The following KCNAB2 variants were observed in gnomAD, a reference collection of about 807,000 sequenced individuals.
KCNAB2 encodes the protein potassium voltage-gated channel subfamily A regulatory beta subunit 2.
In KCNAB2, 29 loss-of-function variants were observed where a neutral mutation model predicts 63.6. The ratio of observed to expected loss-of-function variants is 0.46; its 90% CI spans 0.34 to 0.62. The LOEUF (loss-of-function observed/expected upper bound fraction) is 0.62, where lower values mean the gene tolerates loss of function less well. Among genes scored for constraint, KCNAB2 ranks in the 20% least tolerant of loss-of-function variants. KCNAB2 has a pLI of 0.01. For missense variants in KCNAB2, 359 were observed against 563.9 expected, an observed-to-expected ratio of 0.64 and a Z score of 3.68; for synonymous variants, 222 against 224.2, an observed-to-expected ratio of 0.99 and a Z score of 0.09.
intron 6 of KCNAB2, among the ~76,000 whole-genome samples, chr1:6,085,583 C>G (rs1479240947): frequency 6.6e-6 from 1 of 152,150 alleles, no homozygotes; most frequent in African/African-American, 2.4e-5. Context: ...GGCCTGGGTA[C>G]AGCAAAGGCG....
rs1340008079 is a variant in KCNAB2, at chr1:6,096,800, C to G, written c.1069+44C>G. The G allele has an allele frequency of 1.3e-6, 2 of 1,509,854 alleles. No individual in the cohort carries two copies. The highest frequency in any genetic ancestry group is 4.3e-5 in the Admixed American group (2 of 46,538). The allele number at this position is 1,509,854 out of a possible 1,614,324, so 93.5% of individuals were successfully genotyped here. A position where few individuals can be genotyped will look rare whatever the true frequency, so the allele number is the denominator to read the frequency against. ...TGGGGCCAGTGCCCCTGGGGAGAAC[C>G]TGCCCCAGCTGGCCGTAGGTAACAG... On this transcript the variant is annotated intron_variant, in intron 14 of 15. Coordinates refer to ENST00000378083, the MANE Select transcript of KCNAB2 (RefSeq NM_001199862.2). This position sits in a 1 kb window ranked among gnomAD's most constrained non-coding sequence, Gnocchi z 5.9.
intron 1 of KCNAB2, among the ~76,000 whole-genome samples, chr1:6,027,799 G>A (rs1659306673): frequency 6.6e-6 from 1 of 152,216 alleles, no homozygotes; most frequent in African/African-American, 2.4e-5. Flanking sequence ...GCTGTTGACT[G>A]AACCATGTGA....
rs1207120378 is a variant in KCNAB2 at position 6,087,585 on chromosome 1, A to ACC, written c.470+75_470+76dup. 8 of 1,507,110 alleles carry ACC rather than the reference A, an allele frequency of 5.3e-6. No homozygotes were observed. The African/African-American group carries it at 9.7e-5, about 18-fold the overall frequency. 93.4% of individuals were successfully genotyped at this position (1,507,110 alleles called of 1,614,324 possible). Reference sequence around the variant, plus strand: ...GCCCCGTGCTCCCCAGAGACCCCTGACCTAGAAGGCTCCTGGGGTGGCGGG... The same window carrying ACC: ...GCCCCGTGCTCCCCAGAGACCCCTGACCCCTAGAAGGCTCCTGGGGTGGCGGG... On this transcript the variant is annotated intron_variant, in intron 7 of 15. Coordinates refer to ENST00000378083, the MANE Select transcript of KCNAB2 (RefSeq NM_001199862.2). The surrounding 1 kb of genome is among the most constrained non-coding windows in gnomAD (Gnocchi z 6.4).
chr1:6,097,857 C>T, intron 15 of KCNAB2: 1 of 224,412 alleles, frequency 4.5e-6, no homozygotes, highest in Non-Finnish European at 8.6e-6. Context: ...GAGACGGGAG[C>T]CGTGGCAAAA....
intron 2 of KCNAB2, among the ~76,000 whole-genome samples, chr1:6,067,160 T>C (rs1295686760): frequency 2.0e-5 from 3 of 152,180 alleles, no homozygotes; most frequent in Non-Finnish European, 2.9e-5. Flanking sequence ...AGAGCCTTGA[T>C]TGCGTCCAGA....
At chr1:6,023,607 A>T (rs1397794255) in intron 1 of KCNAB2, among the ~76,000 whole-genome samples, 1 of 152,200 alleles carries the variant, frequency 6.6e-6, no homozygotes, top group Admixed American at 6.5e-5. Context: ...TTGGAGAAGT[A>T]TCTATTCAAG....
intron 1 of KCNAB2, among the ~76,000 whole-genome samples, chr1:6,011,469 GC>G (rs1426660616): frequency 6.6e-6 from 1 of 152,106 alleles, no homozygotes; most frequent in Non-Finnish European, 1.5e-5. Flanking sequence ...AGGCACGTGT[GC>G]CCAGGGCCAG....
At chr1:6,064,798 C>A (rs1434070272) in intron 2 of KCNAB2, among the ~76,000 whole-genome samples, 1 of 152,170 alleles carries the variant, frequency 6.6e-6, no homozygotes, top group Non-Finnish European at 1.5e-5. Context: ...GCAGCTCTGA[C>A]CAGGGTCCAC....
intron 1 of KCNAB2, among the ~76,000 whole-genome samples, chr1:6,040,115 C>CA (rs1660374896): frequency 6.6e-6 from 1 of 152,220 alleles, no homozygotes; most frequent in Non-Finnish European, 1.5e-5. Flanking sequence ...CCCTGGGGGA[C>CA]AGCAGTGCAG....
chr1:5,998,760 A>C (rs1487736638), intron 1 of KCNAB2, among the ~76,000 whole-genome samples: 1 of 152,224 alleles, frequency 6.6e-6, no homozygotes, highest in African/African-American at 2.4e-5. Flanking sequence ...AGGACCCCAG[A>C]TTCAGCACCA....
chr1:6,090,547 A>T, intron 9 of KCNAB2, 72 bp downstream of exon 9: 1 of 1,221,442 alleles, frequency 8.2e-7, no homozygotes, highest in East Asian at 2.5e-5. Context: ...GGGGTTGTAG[A>T]GGCCGCCAGC....
intron 1 of KCNAB2, 30 bp from the exon 2 acceptor site, chr1:6,051,481 A>G: frequency 6.9e-7 from 1 of 1,442,914 alleles, no homozygotes; most frequent in Non-Finnish European, 9.1e-7. Context: ...GGGCATTGGC[A>G]CACTGTCTAA....
chr1:6,053,881 T>C lies in KCNAB2; in HGVS notation c.218+2127T>C, dbSNP rs550474456. Among the ~76,000 whole-genome samples, 24 of 151,156 alleles carry C rather than the reference T, an allele frequency of 1.6e-4. No individual in the cohort carries two copies. The South Asian group carries it at 5.0e-3, about 32-fold the overall frequency. On this transcript the variant is annotated intron_variant, in intron 2 of 15. Transcript: ENST00000378083. Reference sequence around the variant, plus strand: ...AACATGGCGAAACCCCATCTCTAAATACAATCAAAAAATTAGCCAGGCATG... The same window carrying C: ...AACATGGCGAAACCCCATCTCTAAACACAATCAAAAAATTAGCCAGGCATG...
intron 1 of KCNAB2, among the ~76,000 whole-genome samples, chr1:6,013,712 G>A (rs772544378): frequency 6.6e-5 from 10 of 152,086 alleles, no homozygotes; most frequent in African/African-American, 9.7e-5. Flanking sequence ...TGGATTGCCA[G>A]CCACTGGTCA....
At position 6,068,652 on chromosome 1, in the gene KCNAB2, G is replaced by A. The variant is rs112055753; in HGVS notation, c.219-4103G>A. Among the ~76,000 whole-genome samples, 1,207 of 152,240 alleles carry A rather than the reference G, an allele frequency of 7.9e-3. 16 individuals are homozygous for A. The highest frequency in any genetic ancestry group is 0.028 in the African/African-American group (1,157 of 41,520). ...CTGTGCCATCGGGCACCCCCGCCCC[G>A]GGCCTCTCCCATCCCACTCATGCGG... On this transcript the variant is annotated intron_variant, in intron 2 of 15. Coordinates refer to ENST00000378083, the MANE Select transcript of KCNAB2 (RefSeq NM_001199862.2).
intron 4 of KCNAB2, 125 bp from the exon 5 acceptor site, chr1:6,082,070 A>C: frequency 1.4e-6 from 1 of 734,650 alleles, no homozygotes; most frequent in Non-Finnish European, 2.4e-6. Flanking sequence ...CCCACAGGGG[A>C]GCCTGTCGGG....
At chr1:6,068,676 G>A (rs1571014221) in intron 2 of KCNAB2, among the ~76,000 whole-genome samples, 1 of 152,180 alleles carries the variant, frequency 6.6e-6, no homozygotes, top group African/African-American at 2.4e-5. Context: ...CCACTCATGC[G>A]GTACCTGCGT....
intron 1 of KCNAB2, among the ~76,000 whole-genome samples, chr1:6,029,243 A>T (rs931297081): frequency 2.0e-5 from 3 of 148,370 alleles, no homozygotes; most frequent in Non-Finnish European, 4.4e-5. Flanking sequence ...AGATCGCGCC[A>T]TTGCACTCCA....
intron 1 of KCNAB2, chr1:5,996,008 C>G (rs935371805): frequency 6.6e-6 from 1 of 152,322 alleles, no homozygotes; most frequent in East Asian, 1.9e-4. Flanking sequence ...TTTGTCGTGG[C>G]GTGGGAAGCC....
Sources: allele counts gnomAD v4.1 joint callset (sites outside exome capture counted in the v4.1 genomes callset), GRCh38; gene constraint gnomAD v4.1.1; non-coding constraint Gnocchi (gnomAD v3.1); transcripts MANE v1.5; gene names NCBI Gene and HGNC (gene_info 2026-07-23, HGNC 2026-07-21).